Variants in VWA2 observed in about 807,000 individuals in gnomAD.
The protein encoded by VWA2 is von Willebrand factor A domain containing 2.
A neutral mutation model predicts 70.4 loss-of-function variants in VWA2; 73 were observed. The observed-to-expected ratio is 1.04, with a 90% CI of 0.86 to 1.26. The LOEUF is 1.26. Ranked by LOEUF, VWA2 falls within the 50% of genes most tolerant of loss-of-function variation. The pLI is 0.00. For missense variants in VWA2, 1,011 were observed against 998.5 expected (o/e 1.01, Z -0.17); for synonymous variants, 407 against 423.3 (o/e 0.96, Z 0.47).
At chr10:114,288,829 A>G in intron 11 of VWA2, 109 bp from the exon 12 acceptor site, 1 of 1,145,372 alleles carries the variant, frequency 8.7e-7, no homozygotes, top group Non-Finnish European at 1.2e-6. Flanking sequence ...TGCAGTGAAC[A>G]GAGCACCCTG....
chr10:114,253,848 C>T, intron 3 of VWA2, 123 bp downstream of exon 3: 1 of 940,902 alleles, frequency 1.1e-6, no homozygotes, highest in South Asian at 1.7e-5. Context: ...CATGCTCTGG[C>T]CAGAGTCATT....
rs957886809 is a variant in VWA2 at position 114,294,191 on chromosome 10, C to CTTAT, written c.*2957_*2960dup. 1.3e-5 allele frequency among the ~76,000 whole-genome samples: 2 copies of CTTAT among 152,150 alleles called. No individual in the cohort carries two copies. The highest frequency in any genetic ancestry group is 1.3e-4 in the Admixed American group (2 of 15,280). ...TGCTGAATTTTTCATTTGCCAACAT[C>CTTAT]TTATTTCAGATTCTTTTAATCTGTG... On this transcript the variant is annotated 3_prime_UTR_variant, in exon 14 of 14. Transcript: ENST00000392982.
chr10:114,246,181 C>T (rs548830002), intron 1 of VWA2: 23 of 1,179,248 alleles, frequency 2.0e-5, no homozygotes, highest in South Asian at 3.6e-5. Context: ...TTGAGGCAAA[C>T]GTACACCAAG....
chr10:114,283,349 G>T (rs901821323), intron 9 of VWA2, among the ~76,000 whole-genome samples: 1 of 151,856 alleles, frequency 6.6e-6, no homozygotes, highest in African/African-American at 2.4e-5. Flanking sequence ...ACACAGGCAG[G>T]GTAGCGAGCA....
intron 12 of VWA2, 140 bp downstream of exon 12, chr10:114,289,629 C>A: frequency 2.2e-6 from 2 of 917,688 alleles, no homozygotes; most frequent in South Asian, 1.6e-5. Context: ...CTGTGCTAAA[C>A]CCCATGCTCA....
Position 114,286,529 on chromosome 10 carries a change from G to A in VWA2, c.1570+18G>A. 1.3e-6 allele frequency: 2 copies of A among 1,526,176 alleles called. No individual in the cohort carries two copies. Among genetic ancestry groups the A allele is most frequent in the Non-Finnish European group, 1.8e-6 (2 of 1,138,218 alleles). 94.5% of individuals were successfully genotyped at this position (1,526,176 alleles called of 1,614,324 possible). ...GCGGCCAGGTAAGGTCCCAGTGCCT[G>A]ACCCAGGACCGCTGGTCAGTGGGCG... On this transcript the variant is annotated intron_variant, in intron 11 of 13. Coordinates refer to ENST00000392982, the MANE Select transcript of VWA2 (RefSeq NM_001272046.2).
intron 1 of VWA2, among the ~76,000 whole-genome samples, chr10:114,242,313 A>G (rs2036986866): frequency 6.6e-6 from 1 of 152,142 alleles, no homozygotes; most frequent in South Asian, 2.1e-4. Flanking sequence ...GAGAGAAGGA[A>G]ATTGAGAGAC....
At chr10:114,255,157 C>T (rs1238363139) in intron 4 of VWA2, 109 bp downstream of exon 4, 32 of 1,390,662 alleles carry the variant, frequency 2.3e-5, no homozygotes, top group Non-Finnish European at 3.2e-5. Context: ...GCTGGGAAGA[C>T]CAAGGGGCTG....
intron 11 of VWA2, among the ~76,000 whole-genome samples, chr10:114,288,274 C>T (rs1022774013): frequency 6.6e-6 from 1 of 152,176 alleles, no homozygotes; most frequent in Non-Finnish European, 1.5e-5. Context: ...TGGTCTCTCT[C>T]GAAGTCCCCT....
intron 1 of VWA2, among the ~76,000 whole-genome samples, chr10:114,243,196 C>T (rs1043105206): frequency 1.3e-5 from 2 of 152,236 alleles, no homozygotes; most frequent in African/African-American, 4.8e-5. Context: ...TATGGGAGGG[C>T]TTGTGATCTA....
At chr10:114,263,808 C>G (rs1430140258) in intron 5 of VWA2, among the ~76,000 whole-genome samples, 1 of 152,172 alleles carries the variant, frequency 6.6e-6, no homozygotes, top group African/African-American at 2.4e-5. Flanking sequence ...AACTTTTACC[C>G]TATTCTAATT....
At position 114,252,463 on chromosome 10, in the gene VWA2, G is replaced by A. The variant is rs532901466; in HGVS notation, c.53-1188G>A. On this transcript the variant is annotated intron_variant, in intron 2 of 13. Coordinates refer to ENST00000392982, the MANE Select transcript of VWA2 (RefSeq NM_001272046.2). ...GAACGGGAAGGAGCCGGGAAAGACA[G>A]AGCTGGAACCAGCCGAGGCAGTGCT... 1.0e-3 allele frequency among the ~76,000 whole-genome samples: 159 copies of A among 152,270 alleles called. 1 individual carries two copies. Among genetic ancestry groups the A allele is most frequent in the African/African-American group, 3.8e-3 (157 of 41,534 alleles).
chr10:114,277,605 G>A (rs897704606), intron 6 of VWA2, among the ~76,000 whole-genome samples: 5 of 152,146 alleles, frequency 3.3e-5, no homozygotes, highest in Non-Finnish European at 7.3e-5. Context: ...TATGGCTATC[G>A]AGGTGTGCTG....
At chr10:114,262,082 C>T (rs1266013986) in intron 5 of VWA2, among the ~76,000 whole-genome samples, 2 of 152,052 alleles carry the variant, frequency 1.3e-5, no homozygotes, top group East Asian at 1.9e-4. Flanking sequence ...AGGAGGGATC[C>T]GCCCCCATGA....
intron 6 of VWA2, among the ~76,000 whole-genome samples, chr10:114,276,204 C>T (rs1321105565): frequency 6.6e-6 from 1 of 152,138 alleles, no homozygotes. Flanking sequence ...ATGTAGGGCT[C>T]CCAGGACCAC....
chr10:114,265,947 G>GT (rs2037552701), intron 5 of VWA2, among the ~76,000 whole-genome samples: 1 of 152,180 alleles, frequency 6.6e-6, no homozygotes, highest in South Asian at 2.1e-4. Context: ...CCAAATGGGA[G>GT]TGATGACCTC....
At position 114,292,708 on chromosome 10, in the gene VWA2, G is replaced by A. The variant is rs12357853; in HGVS notation, c.*1471G>A. 0.078 allele frequency among the ~76,000 whole-genome samples: 11,780 copies of A among 151,468 alleles called. 594 individuals carry two copies. Among genetic ancestry groups the A allele is most frequent in the East Asian group, 0.24 (1,251 of 5,144 alleles). On this transcript the variant is annotated 3_prime_UTR_variant, in exon 14 of 14. Coordinates refer to ENST00000392982, the MANE Select transcript of VWA2 (RefSeq NM_001272046.2). Reference sequence around the variant, plus strand: ...CTGATGTGACTCCAGACACTTTATCGTTTTTCTTTTTTTTGAGACGGAGTT... The same window carrying A: ...CTGATGTGACTCCAGACACTTTATCATTTTTCTTTTTTTTGAGACGGAGTT...
intron 4 of VWA2, among the ~76,000 whole-genome samples, chr10:114,259,333 G>T (rs1340808281): frequency 6.6e-6 from 1 of 152,070 alleles, no homozygotes; most frequent in Non-Finnish European, 1.5e-5. Context: ...CTGTTGGATT[G>T]TTGGTCTTTT....
Position 114,277,938 on chromosome 10 carries a change from C to A in VWA2, c.591C>A (p.Ala197=). Reference sequence around the variant, plus strand: ...GGTGGGAGGAGCTGCATGCACTGGCCAGCGAGCCTAGAGGGCAGCACGTGC... The same window carrying A: ...GGTGGGAGGAGCTGCATGCACTGGCAAGCGAGCCTAGAGGGCAGCACGTGC... ...FPRWEELHAL[A]SEPRGQHVLL... The change falls in exon 7 of 14, where the codon GCC becomes GCA. Residue 197 remains alanine (A), a synonymous_variant. Coordinates refer to ENST00000392982, the MANE Select transcript of VWA2 (RefSeq NM_001272046.2). 1 of 1,610,592 alleles carries A rather than the reference C, an allele frequency of 6.2e-7. No individual in the cohort carries two copies.
Sources: allele counts gnomAD v4.1 joint callset (sites outside exome capture counted in the v4.1 genomes callset), GRCh38; gene constraint gnomAD v4.1.1; transcripts MANE v1.5; gene names NCBI Gene and HGNC (gene_info 2026-07-23, HGNC 2026-07-21).